Variants in GPR176 observed in about 807,000 individuals in gnomAD.
GPR176 encodes the protein G-protein coupled receptor 176.
In GPR176, 26 loss-of-function variants were observed where a neutral mutation model predicts 35.4. The ratio of observed to expected loss-of-function variants is 0.74; its 90% CI spans 0.54 to 1.02. GPR176 has a LOEUF of 1.02. GPR176 is among the 50% of genes least tolerant of loss of function. The pLI is 0.00. For missense variants in GPR176, 597 were observed against 665.3 expected, an observed-to-expected ratio of 0.90 and a Z score of 1.13; for synonymous variants, 278 against 271.3, an observed-to-expected ratio of 1.02 and a Z score of -0.24.
intron 1 of GPR176, among the ~76,000 whole-genome samples, chr15:39,853,058 T>C (rs2030979043): frequency 6.6e-6 from 1 of 152,196 alleles, no homozygotes; most frequent in Non-Finnish European, 1.5e-5. Flanking sequence ...AGCAATCTAA[T>C]TTTTGGGTAC....
chr15:39,847,498 C>A (rs2030518084), intron 1 of GPR176, among the ~76,000 whole-genome samples: 1 of 152,080 alleles, frequency 6.6e-6, no homozygotes, highest in Non-Finnish European at 1.5e-5. Flanking sequence ...ATAATCCCAG[C>A]ACTTTGGGAG....
chr15:39,838,230 C>G (rs1901527863), intron 1 of GPR176, among the ~76,000 whole-genome samples: 1 of 152,100 alleles, frequency 6.6e-6, no homozygotes, highest in Non-Finnish European at 1.5e-5. Flanking sequence ...AAATGAATCT[C>G]TAAGTAATCT....
intron 1 of GPR176, among the ~76,000 whole-genome samples, chr15:39,874,084 C>T (rs906858735): frequency 3.3e-5 from 5 of 152,206 alleles, no homozygotes; most frequent in Non-Finnish European, 7.4e-5. Flanking sequence ...TCTCAAGTGA[C>T]TTACGTAAGT....
At chr15:39,863,614 T>C (rs951581628) in intron 1 of GPR176, among the ~76,000 whole-genome samples, 3 of 152,152 alleles carry the variant, frequency 2.0e-5, no homozygotes, top group Non-Finnish European at 4.4e-5. Flanking sequence ...AAGTCTATAG[T>C]AGTGTAGAGT....
chr15:39,834,254 C>G (rs145474450), intron 1 of GPR176, among the ~76,000 whole-genome samples: 2 of 152,102 alleles, frequency 1.3e-5, no homozygotes, highest in Non-Finnish European at 2.9e-5. Flanking sequence ...TTTAAACCCA[C>G]TGATTGACAA....
chr15:39,838,707 C>T (rs1339053448), intron 1 of GPR176, among the ~76,000 whole-genome samples: 1 of 152,118 alleles, frequency 6.6e-6, no homozygotes, highest in Non-Finnish European at 1.5e-5. Context: ...CTATTTATGA[C>T]AAACCCACAG....
At chr15:39,819,647 A>G (rs531599553) in intron 1 of GPR176, among the ~76,000 whole-genome samples, 1 of 152,336 alleles carries the variant, frequency 6.6e-6, no homozygotes, top group Admixed American at 6.5e-5. Context: ...CAACAATGAT[A>G]CATCATGCTA....
Position 39,869,890 on chromosome 15 carries a change from C to G in GPR176, c.172+49965G>C, listed in dbSNP as rs565936127. Among the ~76,000 whole-genome samples the G allele has an allele frequency of 2.5e-3, 379 of 152,176 alleles. 1 individual carries two copies. Among genetic ancestry groups the G allele is most frequent in the Non-Finnish European group, 4.2e-3 (285 of 68,008 alleles). ...CCATTAGTATATCTAGAAGTAAACACAGTTATTAAAGGGTAGTTTCCTAGG... is the reference window on the plus strand; with the variant it reads ...CCATTAGTATATCTAGAAGTAAACAGAGTTATTAAAGGGTAGTTTCCTAGG... On this transcript the variant is annotated intron_variant, in intron 1 of 2. Transcript: ENST00000561100.
chr15:39,869,874 T>C (rs1595495646), intron 1 of GPR176, among the ~76,000 whole-genome samples: 1 of 152,168 alleles, frequency 6.6e-6, no homozygotes, highest in Admixed American at 6.5e-5. Flanking sequence ...CCCATTAGTA[T>C]ATCTAGAAGT....
chr15:39,897,035 A>C (rs151139035), intron 1 of GPR176, among the ~76,000 whole-genome samples: 2 of 152,326 alleles, frequency 1.3e-5, no homozygotes, highest in East Asian at 3.9e-4. Flanking sequence ...AGTCTGGAAA[A>C]ATGCATTATG....
intron 2 of GPR176, among the ~76,000 whole-genome samples, 181 bp downstream of exon 2, chr15:39,806,825 T>G (rs569918557): frequency 1.3e-5 from 2 of 152,348 alleles, no homozygotes; most frequent in South Asian, 4.1e-4. Flanking sequence ...TTTCCATGGC[T>G]GTTGCTAAAT....
chr15:39,898,926 G>A (rs1469183321), intron 1 of GPR176, among the ~76,000 whole-genome samples: 2 of 152,132 alleles, frequency 1.3e-5, no homozygotes, highest in East Asian at 1.9e-4. Context: ...CCTGTTGGAC[G>A]ATAAGGACAC....
chr15:39,844,497 AG>A (rs894517690), intron 1 of GPR176, among the ~76,000 whole-genome samples: 4 of 152,084 alleles, frequency 2.6e-5, no homozygotes, highest in Non-Finnish European at 4.4e-5. Context: ...GGATCAGCCA[AG>A]AGGACCCCTG....
At chr15:39,904,116 G>C (rs940886509) in intron 1 of GPR176, among the ~76,000 whole-genome samples, 1 of 152,114 alleles carries the variant, frequency 6.6e-6, no homozygotes, top group African/African-American at 2.4e-5. Context: ...TACGGCCAGA[G>C]GTCACTCTCG....
chr15:39,830,762 C>T lies in GPR176; in HGVS notation c.173-23504G>A, dbSNP rs559651698. Among the ~76,000 whole-genome samples, 160 of 152,244 alleles carry T rather than the reference C, an allele frequency of 1.1e-3. 1 individual carries two copies. The highest frequency in any genetic ancestry group is 3.6e-3 in the African/African-American group (151 of 41,538). On this transcript the variant is annotated intron_variant, in intron 1 of 2. Transcript: ENST00000561100. ...CTATTTTCTTAATTCTAAAATATCTCATTGATTTAAATAATACTTGATTGT... is the reference window on the plus strand; with the variant it reads ...CTATTTTCTTAATTCTAAAATATCTTATTGATTTAAATAATACTTGATTGT...
At chr15:39,873,047 A>G (rs1163616600) in intron 1 of GPR176, among the ~76,000 whole-genome samples, 1 of 152,174 alleles carries the variant, frequency 6.6e-6, no homozygotes, top group Non-Finnish European at 1.5e-5. Flanking sequence ...TGAAGAAGCT[A>G]AAGATCAGAG....
intron 1 of GPR176, among the ~76,000 whole-genome samples, chr15:39,823,045 G>A (rs1900382927): frequency 6.6e-6 from 1 of 152,280 alleles, no homozygotes; most frequent in Middle Eastern, 3.4e-3. Flanking sequence ...TCCAGAGTAC[G>A]CTCTTCTGGT....
At chr15:39,899,930 C>T (rs1338753116) in intron 1 of GPR176, among the ~76,000 whole-genome samples, 1 of 152,012 alleles carries the variant, frequency 6.6e-6, no homozygotes, top group African/African-American at 2.4e-5. Flanking sequence ...TCTCCAATGG[C>T]AAGATTTCCA....
Position 39,840,424 on chromosome 15 carries a change from T to C in GPR176, c.173-33166A>G, listed in dbSNP as rs574758573. ...GCATGTTCTCACTCATAGGCGGGAATTGAACAATGAGAACACTTGGACACA... is the reference window on the plus strand; with the variant it reads ...GCATGTTCTCACTCATAGGCGGGAACTGAACAATGAGAACACTTGGACACA... On this transcript the variant is annotated intron_variant, in intron 1 of 2. Transcript: ENST00000561100. Among the ~76,000 whole-genome samples, 12 of 152,158 alleles carry C rather than the reference T, an allele frequency of 7.9e-5. 1 individual carries two copies. In the South Asian group the frequency reaches 2.5e-3, roughly 32 times the overall value.
Sources: gnomAD v4.1 joint callset for allele counts (sites outside exome capture counted in the v4.1 genomes callset) on GRCh38, gnomAD v4.1.1 for gene constraint, MANE v1.5 for transcripts, NCBI Gene and HGNC (gene_info 2026-07-23, HGNC 2026-07-21) for gene names.